Variants in GLI3 observed in about 807,000 individuals in gnomAD.
GLI3 encodes transcription activator GLI3.
Under a neutral mutation model 100.8 loss-of-function variants are expected in GLI3, and 20 were observed. The ratio of observed to expected loss-of-function variants is 0.20; its 90% CI spans 0.14 to 0.29. GLI3 has a LOEUF of 0.29. Ranked by LOEUF, GLI3 falls within the 10% of genes least tolerant of loss-of-function variation. The probability of loss-of-function intolerance (pLI) is 1.00; values close to 1 mark genes in which losing one functional copy is unlikely to be tolerated. For missense variants in GLI3, 2,040 were observed against 2,128.5 expected (o/e 0.96, Z 0.82); for synonymous variants, 938 against 860.5 (o/e 1.09, Z -1.58).
rs533784097 is a variant in GLI3 at position 42,202,076 on chromosome 7, G to A, written c.124+21054C>T. On this transcript the variant is annotated intron_variant, in intron 2 of 14. Coordinates refer to ENST00000395925, the MANE Select transcript of GLI3 (RefSeq NM_000168.6). ...CAGCCTGGAGACAGAGCAAGACTCCGTCTCAAAAAAAAAAAAAAAAAAAAT... is the reference window on the plus strand; with the variant it reads ...CAGCCTGGAGACAGAGCAAGACTCCATCTCAAAAAAAAAAAAAAAAAAAAT... Among the ~76,000 whole-genome samples the A allele has an allele frequency of 1.0e-4, 10 of 96,156 alleles. No homozygotes were observed. The South Asian group carries it at 2.4e-3, about 23-fold the overall frequency. The allele number at this position is 96,156 out of a possible 152,430, so 63.1% of individuals were successfully genotyped here. A position where few individuals can be genotyped will look rare whatever the true frequency, so the allele number is the denominator to read the frequency against.
chr7:42,070,935 G>GCTA (rs1250988165), intron 4 of GLI3, among the ~76,000 whole-genome samples: 1 of 152,146 alleles, frequency 6.6e-6, no homozygotes, highest in Non-Finnish European at 1.5e-5. Context: ...TGTGGCAATA[G>GCTA]CTACTATTAA....
At chr7:42,055,030 T>C (rs1400512468) in intron 4 of GLI3, among the ~76,000 whole-genome samples, 3 of 133,310 alleles carry the variant, frequency 2.3e-5, no homozygotes, top group African/African-American at 8.6e-5. Flanking sequence ...CATATACACA[T>C]ATATGTATAC....
At chr7:42,145,464 T>C in intron 3 of GLI3, 4 of 398,330 alleles carry the variant, frequency 1.0e-5, no homozygotes, top group Non-Finnish European at 1.8e-5. Context: ...ATAGTCGATC[T>C]ACTGAGGTTG....
intron 2 of GLI3, among the ~76,000 whole-genome samples, chr7:42,214,014 A>C (rs1788322707): frequency 6.6e-6 from 1 of 152,254 alleles, no homozygotes; most frequent in Non-Finnish European, 1.5e-5. Context: ...ATAGAACTAA[A>C]AGTTTATTAT....
At chr7:42,214,852 C>A (rs1788342864) in intron 2 of GLI3, among the ~76,000 whole-genome samples, 4 of 134,230 alleles carry the variant, frequency 3.0e-5, no homozygotes, top group African/African-American at 2.8e-5. Context: ...AATGTACATT[C>A]ACTGGATGCT....
chr7:42,051,740 C>T (rs1177293352), intron 4 of GLI3, among the ~76,000 whole-genome samples: 1 of 152,102 alleles, frequency 6.6e-6, no homozygotes, highest in African/African-American at 2.4e-5. Flanking sequence ...AGAGATTTCC[C>T]ATATAACCCC....
In GLI3 at chr7:42,048,587, G is replaced by C; in HGVS notation, c.583C>G (p.Pro195Ala). The stretch of plus-strand genomic sequence containing the variant: ...TAGTCCATGTAGGGATTAATGTAGG[G>C]ATGTGGAGGGCTGAAGGGAGACTCG... ...ASESPFSPPHPYINPYMDYIR... is the reference protein window; with the variant it reads ...ASESPFSPPHAYINPYMDYIR... The change falls in exon 5 of 15, where the codon CCC becomes GCC. Residue 195 changes from proline to alanine, a missense_variant. By Grantham distance (27) the Pro-to-Ala change is conservative. Around this residue, in one of 5 missense-constraint regions of GLI3, gnomAD observed 603 missense variants for 690.9 expected, o/e 0.87. Coordinates refer to ENST00000395925, the MANE Select transcript of GLI3 (RefSeq NM_000168.6). 1 of 1,611,712 alleles carries C rather than the reference G, an allele frequency of 6.2e-7. No individual in the cohort carries two copies. The highest frequency in any genetic ancestry group is 8.5e-7 in the Non-Finnish European group (1 of 1,178,768).
chr7:42,233,230 C>T (rs1788728653), intron 1 of GLI3, among the ~76,000 whole-genome samples: 1 of 152,216 alleles, frequency 6.6e-6, no homozygotes, highest in Admixed American at 6.5e-5. Flanking sequence ...GTACCACTTA[C>T]TCCAGACAGC....
chr7:42,132,347 G>A (rs879375835), intron 3 of GLI3, among the ~76,000 whole-genome samples: 9 of 152,108 alleles, frequency 5.9e-5, no homozygotes, highest in South Asian at 2.1e-4. Flanking sequence ...TGATCCGCCC[G>A]CCTTGACCTC....
intron 7 of GLI3, among the ~76,000 whole-genome samples, chr7:42,029,913 G>T (rs528031025): frequency 6.6e-6 from 1 of 152,300 alleles, no homozygotes; most frequent in African/African-American, 2.4e-5. Flanking sequence ...GCTGGGCCGG[G>T]CAGTGTGCCT....
intron 2 of GLI3, among the ~76,000 whole-genome samples, chr7:42,214,533 G>GA (rs5883819): frequency 0.85 from 120,824 of 142,172 alleles, 51,266 homozygotes; most frequent in Middle Eastern, 0.94. Flanking sequence ...GAGCAAGCAA[G>GA]AAAAAAAAAA....
intron 2 of GLI3, among the ~76,000 whole-genome samples, chr7:42,200,165 G>A (rs917178199): frequency 2.0e-5 from 3 of 152,188 alleles, no homozygotes; most frequent in Non-Finnish European, 2.9e-5. Context: ...CTAGGATATC[G>A]CCTTCCGTCA....
chr7:42,042,268 C>T (rs947199379), intron 6 of GLI3, among the ~76,000 whole-genome samples: 5 of 152,122 alleles, frequency 3.3e-5, no homozygotes, highest in African/African-American at 1.2e-4. Context: ...CCAGTCTCGG[C>T]CTCCCAAAGT....
At chr7:42,167,510 T>C (rs1336999239) in intron 2 of GLI3, among the ~76,000 whole-genome samples, 1 of 152,174 alleles carries the variant, frequency 6.6e-6, no homozygotes, top group Non-Finnish European at 1.5e-5. Flanking sequence ...TTAGATATGT[T>C]TGGGAATTAC....
Position 41,964,715 on chromosome 7 carries a change from T to A in GLI3, c.4358A>T (p.Gln1453Leu), listed in dbSNP as rs1299834930. 1 of 1,614,086 alleles carries A rather than the reference T, an allele frequency of 6.2e-7. No homozygotes were observed. Among genetic ancestry groups the A allele is most frequent in the Non-Finnish European group, 8.5e-7 (1 of 1,180,038 alleles). ...FYDQTVGFSQ[Q>L]DTKAGSFSIS... ...AGAGAATGAACCAGCTTTCGTGTCT[T>A]GCTGACTGAAGCCCACGGTTTGGTC... Residue 1453 changes from glutamine (Q) to leucine (L), a missense_variant, in exon 15 of 15, where the codon CAA becomes CTA. This residue lies in a region of GLI3 where 1,041 missense variants were observed against 924.0 expected (regional missense o/e 1.13). Coordinates refer to ENST00000395925, the MANE Select transcript of GLI3 (RefSeq NM_000168.6).
intron 10 of GLI3, among the ~76,000 whole-genome samples, chr7:42,005,117 A>G (rs1318135026): frequency 3.3e-5 from 5 of 152,212 alleles, no homozygotes; most frequent in Non-Finnish European, 5.9e-5. Context: ...GTACAGACTC[A>G]ATTTTTAGAA....
intron 2 of GLI3, among the ~76,000 whole-genome samples, chr7:42,150,958 T>C (rs1425027088): frequency 6.6e-6 from 1 of 152,174 alleles, no homozygotes; most frequent in Non-Finnish European, 1.5e-5. Context: ...GGGTACCTTT[T>C]AGCTCAATGA....
upstream of GLI3, among the ~76,000 whole-genome samples, chr7:42,264,231 T>A (rs908949725): frequency 1.9e-4 from 29 of 152,200 alleles, 1 homozygote; most frequent in African/African-American, 6.5e-4. Context: ...GGAGTTACCA[T>A]GAATGCCAGT....
chr7:42,000,810 A>G (rs1167562468), intron 10 of GLI3, among the ~76,000 whole-genome samples: 4 of 152,226 alleles, frequency 2.6e-5, no homozygotes, highest in African/African-American at 4.8e-5. Context: ...GGACCCACAC[A>G]TGTCCTGAGA....
Sources: allele counts gnomAD v4.1 joint callset (sites outside exome capture counted in the v4.1 genomes callset), GRCh38; gene constraint gnomAD v4.1.1; regional missense constraint gnomAD v4.1.1; transcripts MANE v1.5; gene names NCBI Gene and HGNC (gene_info 2026-07-23, HGNC 2026-07-21).